The following LRP1B variants were observed in gnomAD, a reference collection of about 807,000 sequenced individuals.
LRP1B encodes the protein low-density lipoprotein receptor-related protein 1B.
Under a neutral mutation model 556.6 loss-of-function variants are expected in LRP1B, and 217 were observed. The observed-to-expected ratio is 0.39, with a 90% confidence interval of 0.35 to 0.44. The LOEUF is 0.44. Ranked by LOEUF, LRP1B falls within the 20% of genes least tolerant of loss-of-function variation. The pLI is 1.00. For synonymous variants in LRP1B, 2,047 were observed against 1,865.8 expected, an observed-to-expected ratio of 1.10 and a Z score of -2.50; for missense variants, 5,053 against 5,620.8, an observed-to-expected ratio of 0.90 and a Z score of 3.23.
chr2:141,648,571 C>A (rs1455963980), intron 2 of LRP1B, among the ~76,000 whole-genome samples: 1 of 152,152 alleles, frequency 6.6e-6, no homozygotes, highest in Non-Finnish European at 1.5e-5. Context: ...TTTCCTATTT[C>A]ATTCTGTGAG....
rs369230747 is a variant in LRP1B at position 140,514,699 on chromosome 2, T to A, written c.8223A>T (p.Gly2741=). 3 of 1,612,544 alleles carry A rather than the reference T, an allele frequency of 1.9e-6. No individual in the cohort carries two copies. The African/African-American group carries it at 4.0e-5, about 22-fold the overall frequency. Residue 2741 remains glycine, a synonymous_variant, in exon 51 of 91, where the codon GGA becomes GGT. Transcript: ENST00000389484. Reference sequence around the variant, plus strand: ...CTAACCCATCCCCACAGTCATCTTCTCCATCACAAATCCAATGCTTAGAAA... The same window carrying A: ...CTAACCCATCCCCACAGTCATCTTCACCATCACAAATCCAATGCTTAGAAA... The part of the protein sequence containing the change: ...KCISKHWICD[G]EDDCGDGLDE...
intron 83 of LRP1B, among the ~76,000 whole-genome samples, chr2:140,304,417 G>A (rs546474804): frequency 5.3e-5 from 8 of 152,282 alleles, no homozygotes; most frequent in Middle Eastern, 3.4e-3. Context: ...CAGTGATGAT[G>A]AGCATTTTTT....
intron 2 of LRP1B, among the ~76,000 whole-genome samples, chr2:141,575,532 C>A (rs2170669): frequency 6.6e-6 from 1 of 152,170 alleles, no homozygotes; most frequent in Non-Finnish European, 1.5e-5. Context: ...ATTCAGGACA[C>A]AGGCATGGGC....
intron 3 of LRP1B, among the ~76,000 whole-genome samples, chr2:141,479,346 A>T (rs565437318): frequency 1.6e-4 from 24 of 152,240 alleles, no homozygotes; most frequent in African/African-American, 5.3e-4. Context: ...ATAGCATCTG[A>T]CTTTGAGCAC....
intron 2 of LRP1B, among the ~76,000 whole-genome samples, chr2:141,697,575 A>G (rs1691774435): frequency 6.6e-6 from 1 of 151,992 alleles, no homozygotes; most frequent in African/African-American, 2.4e-5. Context: ...ATCAATTAGG[A>G]TGTTTTCCAG....
chr2:140,312,952 CTAGTTATA>C (rs1247288663), intron 83 of LRP1B, among the ~76,000 whole-genome samples: 19 of 151,954 alleles, frequency 1.3e-4, no homozygotes, highest in Middle Eastern at 3.4e-3. Flanking sequence ...GCCCCAAACC[CTAGTTATA>C]TAGTGTCCAC....
At chr2:140,722,839 C>T (rs1306008829) in intron 35 of LRP1B, among the ~76,000 whole-genome samples, 1 of 152,168 alleles carries the variant, frequency 6.6e-6, no homozygotes, top group South Asian at 2.1e-4. Flanking sequence ...GTCAGGAGAT[C>T]GAAACCATCC....
chr2:140,765,106 G>A (rs1409243462), intron 35 of LRP1B, among the ~76,000 whole-genome samples: 1 of 152,046 alleles, frequency 6.6e-6, no homozygotes, highest in African/African-American at 2.4e-5. Flanking sequence ...TAGGGTTACA[G>A]GTATGAGCCA....
intron 1 of LRP1B, among the ~76,000 whole-genome samples, chr2:142,079,391 CTT>C (rs1705629109): frequency 2.0e-5 from 2 of 98,984 alleles, no homozygotes; most frequent in Non-Finnish European, 4.7e-5. Context: ...GGAACAATCT[CTT>C]TATCTTGAAA....
intron 82 of LRP1B, among the ~76,000 whole-genome samples, chr2:140,319,414 A>T (rs1033853637): frequency 6.6e-6 from 1 of 152,122 alleles, no homozygotes; most frequent in Non-Finnish European, 1.5e-5. Flanking sequence ...TGTGAGGGCA[A>T]TGGGTGAGGG....
At chr2:141,443,458 G>A (rs767360176) in intron 3 of LRP1B, among the ~76,000 whole-genome samples, 6 of 151,972 alleles carry the variant, frequency 3.9e-5, no homozygotes, top group Non-Finnish European at 8.8e-5. Context: ...GTCAATTTTG[G>A]CTTTTGTTGC....
chr2:140,998,229 GT>G (rs1483761105), intron 15 of LRP1B, among the ~76,000 whole-genome samples: 1 of 152,000 alleles, frequency 6.6e-6, no homozygotes, highest in Non-Finnish European at 1.5e-5. Flanking sequence ...CAATGTTCAA[GT>G]TGCTCTCCTG....
chr2:140,737,227 G>A (rs186193835), intron 35 of LRP1B, among the ~76,000 whole-genome samples: 28 of 152,214 alleles, frequency 1.8e-4, no homozygotes, highest in Admixed American at 7.9e-4. Flanking sequence ...TGGCAATTAC[G>A]TAATTGTGTT....
intron 2 of LRP1B, among the ~76,000 whole-genome samples, chr2:141,687,674 A>C (rs900588617): frequency 6.6e-5 from 10 of 151,870 alleles, no homozygotes; most frequent in African/African-American, 2.4e-4. Context: ...TTAAAATATA[A>C]TTTCATTTTT....
chr2:141,952,898 C>T (rs1701147164), intron 1 of LRP1B, among the ~76,000 whole-genome samples: 1 of 152,094 alleles, frequency 6.6e-6, no homozygotes, highest in African/African-American at 2.4e-5. Context: ...AAAGAACAGC[C>T]TGTCCTCAGA....
At chr2:141,458,242 A>G (rs925476874) in intron 3 of LRP1B, among the ~76,000 whole-genome samples, 2 of 152,224 alleles carry the variant, frequency 1.3e-5, no homozygotes, top group African/African-American at 4.8e-5. Context: ...TGTGCAAGAC[A>G]ATATGTGTTT....
At chr2:141,616,159 G>A (rs1688292165) in intron 2 of LRP1B, among the ~76,000 whole-genome samples, 2 of 152,014 alleles carry the variant, frequency 1.3e-5, no homozygotes, top group African/African-American at 4.8e-5. Context: ...GCGTGTGCCT[G>A]TAGTCCTAGC....
intron 1 of LRP1B, among the ~76,000 whole-genome samples, chr2:141,953,045 G>A (rs1195994638): frequency 1.3e-5 from 2 of 152,004 alleles, no homozygotes; most frequent in Non-Finnish European, 2.9e-5. Context: ...TAATGTATTG[G>A]AGGTATTCAA....
chr2:140,451,773 T>TC (rs1430845330), intron 62 of LRP1B, among the ~76,000 whole-genome samples: 1 of 152,056 alleles, frequency 6.6e-6, no homozygotes, highest in Non-Finnish European at 1.5e-5. Flanking sequence ...GCTCAACATT[T>TC]TTTTTTGGCT....
Sources: gnomAD v4.1 joint callset for allele counts (sites outside exome capture counted in the v4.1 genomes callset) on GRCh38, gnomAD v4.1.1 for gene constraint, MANE v1.5 for transcripts, NCBI Gene and HGNC (gene_info 2026-07-23, HGNC 2026-07-21) for gene names.